Variants in COL18A1 observed in about 807,000 individuals in gnomAD.
COL18A1 encodes the protein collagen type XVIII alpha 1 chain.
In COL18A1, 133 loss-of-function variants were observed where a neutral mutation model predicts 168.0. That is an observed-to-expected ratio of 0.79 (90% CI 0.69 to 0.91). The LOEUF is 0.91. COL18A1 is among the 40% of genes least tolerant of loss of function. The pLI is 0.00. For synonymous variants in COL18A1, 949 were observed against 809.0 expected, an observed-to-expected ratio of 1.17 and a Z score of -2.94; for missense variants, 2,126 against 1,925.4, an observed-to-expected ratio of 1.10 and a Z score of -1.95.
chr21:45,460,530 G>A (rs944712562), intron 2 of COL18A1, among the ~76,000 whole-genome samples: 6 of 152,242 alleles, frequency 3.9e-5, no homozygotes, highest in South Asian at 2.1e-4. Context: ...TGATGGCCCC[G>A]AGGGGCTGCT....
chr21:45,481,279 A>G (rs1322049599), intron 13 of COL18A1, among the ~76,000 whole-genome samples: 1 of 152,160 alleles, frequency 6.6e-6, no homozygotes, highest in Non-Finnish European at 1.5e-5. Flanking sequence ...GCTCCCCACC[A>G]GCTCTGCCAC....
In COL18A1 at chr21:45,486,953, G is replaced by A. The variant is rs752692826; in HGVS notation, c.1794G>A (p.Gly598=). The change falls in exon 16 of 42, where the codon GGG becomes GGA. Residue 598 remains glycine, a synonymous_variant. Transcript: ENST00000651438. ...CTGCTGGACCACCAGGCCCCCCTGG[G>A]CCCCCTGGGCCCCCAGGACCAGGAC... ...PGPAGPPGPP[G]PPGPPGPGLP... is the part of the protein sequence containing the mutation. The A allele has an allele frequency of 2.0e-6, 3 of 1,494,852 alleles. No homozygotes were observed. Among genetic ancestry groups the A allele is most frequent in the Non-Finnish European group, 2.7e-6 (3 of 1,125,314 alleles). 92.6% of individuals were successfully genotyped at this position (1,494,852 alleles called of 1,614,324 possible).
At chr21:45,495,622 A>G in intron 29 of COL18A1, 190 bp downstream of exon 29, 1 of 605,040 alleles carries the variant, frequency 1.7e-6, no homozygotes, top group Non-Finnish European at 3.1e-6. Context: ...ACGTGTGCCC[A>G]AACATGCATG....
Position 45,512,670 on chromosome 21 carries a change from T to C in COL18A1, c.*272T>C. On this transcript the variant is annotated 3_prime_UTR_variant, in exon 42 of 42. Coordinates refer to ENST00000651438, the MANE Select transcript of COL18A1 (RefSeq NM_001379500.1). ...CTGGGTCAGGCAGGGTGCAGTATCA[T>C]GCCCTGTGCAACCTCTTGGCCTGAT... is the stretch of plus-strand genomic sequence containing the variant. 1.9e-6 allele frequency: 1 copy of C among 531,754 alleles called. No individual in the cohort carries two copies. Among genetic ancestry groups the C allele is most frequent in the South Asian group, 2.0e-5 (1 of 49,186 alleles). The allele number at this position is 531,754 out of a possible 1,614,324, so 32.9% of individuals were successfully genotyped here.
intron 9 of COL18A1, 145 bp from the exon 10 acceptor site, chr21:45,479,757 C>A: frequency 1.7e-6 from 2 of 1,152,352 alleles, no homozygotes; most frequent in Non-Finnish European, 1.2e-6. Flanking sequence ...CTGGGCCTGG[C>A]GCCCTCGTAC....
intron 2 of COL18A1, among the ~76,000 whole-genome samples, chr21:45,406,240 C>T (rs1469642802): frequency 6.6e-6 from 1 of 152,184 alleles, no homozygotes; most frequent in Non-Finnish European, 1.5e-5. Context: ...CAGGGGAGCC[C>T]CGCCCAAAGG....
At position 45,478,363 on chromosome 21, in the gene COL18A1, C is replaced by T; in HGVS notation, c.1248+10C>T. On this transcript the variant is annotated intron_variant, in intron 9 of 41. Transcript: ENST00000651438. ...TGAAGACGGAAAGCCGGTGAGTCTGCTTTTCTTTCTGACCCCTGTGTTATC... is the reference window on the plus strand; with the variant it reads ...TGAAGACGGAAAGCCGGTGAGTCTGTTTTTCTTTCTGACCCCTGTGTTATC... 1.2e-6 allele frequency: 2 copies of T among 1,614,158 alleles called. No individual in the cohort carries two copies. The highest frequency in any genetic ancestry group is 2.2e-5 in the East Asian group (1 of 44,888).
chr21:45,415,868 C>G (rs2033427825), intron 2 of COL18A1, among the ~76,000 whole-genome samples: 1 of 152,212 alleles, frequency 6.6e-6, no homozygotes, highest in Non-Finnish European at 1.5e-5. Context: ...AAAAGCTGAC[C>G]AGGCACGTGC....
intron 38 of COL18A1, among the ~76,000 whole-genome samples, chr21:45,508,727 T>C (rs1366973038): frequency 6.6e-6 from 1 of 152,128 alleles, no homozygotes; most frequent in African/African-American, 2.4e-5. Context: ...GCTGATTCAT[T>C]CTTTCATTCA....
chr21:45,462,509 C>A (rs1468702835), intron 2 of COL18A1, among the ~76,000 whole-genome samples: 1 of 152,024 alleles, frequency 6.6e-6, no homozygotes, highest in East Asian at 1.9e-4. Context: ...TTAATTTATT[C>A]TTTTGTCTGC....
chr21:45,421,605 C>T, intron 2 of COL18A1: 1 of 533,686 alleles, frequency 1.9e-6, no homozygotes, highest in Non-Finnish European at 3.9e-6. Flanking sequence ...CAGTCCTCTT[C>T]TCTTGCCTGC....
chr21:45,448,591 A>T (rs4819112), intron 2 of COL18A1, among the ~76,000 whole-genome samples: 2 of 152,206 alleles, frequency 1.3e-5, no homozygotes, highest in Non-Finnish European at 2.9e-5. Flanking sequence ...GAGCCGCAGC[A>T]TCTCCACACA....
In COL18A1 at chr21:45,468,463, G is replaced by T; in HGVS notation, c.328G>T (p.Ala110Ser). 6.2e-7 allele frequency: 1 copy of T among 1,614,060 alleles called. No individual in the cohort carries two copies. The highest frequency in any genetic ancestry group is 8.5e-7 in the Non-Finnish European group (1 of 1,180,030). Reference sequence around the variant, plus strand: ...CACAGAGGGCCCAGGGGTGCTGTTCGCCATCACGGACTCGGCGCAGGCCAT... The same window carrying T: ...CACAGAGGGCCCAGGGGTGCTGTTCTCCATCACGGACTCGGCGCAGGCCAT... ...PATEGPGVLF[A>S]ITDSAQAMVL... is the part of the protein sequence containing the mutation. The change falls in exon 3 of 42, where the codon GCC (alanine) becomes TCC (serine). Residue 110 changes from alanine (A) to serine (S), a missense_variant. Physicochemically the swap from Ala to Ser is moderately conservative, Grantham distance 99. Transcript: ENST00000651438.
intron 2 of COL18A1, among the ~76,000 whole-genome samples, chr21:45,441,555 C>T (rs1327286067): frequency 6.6e-6 from 1 of 152,186 alleles, no homozygotes; most frequent in Admixed American, 6.5e-5. Flanking sequence ...TGCCCGGTGG[C>T]TCTGGCCATG....
chr21:45,479,956 G>A lies in COL18A1; in HGVS notation c.1303G>A (p.Gly435Ser). 1.2e-6 allele frequency: 2 copies of A among 1,613,870 alleles called. No individual in the cohort carries two copies. Among genetic ancestry groups the A allele is most frequent in the Non-Finnish European group, 1.7e-6 (2 of 1,179,942 alleles). ...GACTCCAGGGGACGTAGGTCCCAAGGGCGACAAGGTGAGTCTCCGTGGCTG... is the reference window on the plus strand; with the variant it reads ...GACTCCAGGGGACGTAGGTCCCAAGAGCGACAAGGTGAGTCTCCGTGGCTG... ...PGTPGDVGPK[G>S]DKGDPGVGER... Residue 435 changes from glycine (G) to serine (S), a missense_variant, in exon 10 of 42, where the codon GGC (glycine) becomes AGC (serine). Coordinates refer to ENST00000651438, the MANE Select transcript of COL18A1 (RefSeq NM_001379500.1).
chr21:45,486,850 A>G lies in COL18A1; in HGVS notation c.1702-11A>G. ...GGCTGGGTCCTGACACGCTCTCCTC[A>G]CCCCACGCAGGGGAGCAAGGGAGCC... On this transcript the variant is annotated splice_polypyrimidine_tract_variant and intron_variant, in intron 15 of 41. Transcript: ENST00000651438. 1 of 1,525,638 alleles carries G rather than the reference A, an allele frequency of 6.6e-7. No individual in the cohort carries two copies. The highest frequency in any genetic ancestry group is 8.8e-7 in the Non-Finnish European group (1 of 1,139,696). 94.5% of individuals were successfully genotyped at this position (1,525,638 alleles called of 1,614,324 possible).
In COL18A1 at chr21:45,473,167, G is replaced by A. The variant is rs376443722; in HGVS notation, c.652-728G>A. Among the ~76,000 whole-genome samples, 7 of 152,212 alleles carry A rather than the reference G, an allele frequency of 4.6e-5. No homozygotes were observed. The highest frequency in any genetic ancestry group is 3.2e-3 in the Middle Eastern group (1 of 316). On this transcript the variant is annotated intron_variant, in intron 3 of 41. Coordinates refer to ENST00000651438, the MANE Select transcript of COL18A1 (RefSeq NM_001379500.1). This position sits in a 1 kb window ranked among gnomAD's most constrained non-coding sequence, Gnocchi z 4.0. Reference sequence around the variant, plus strand: ...AAGCTACCCGCTTGAGGCTTAGGACGTTGCGCCCTCCTGTGTCCTTGCCCA... The same window carrying A: ...AAGCTACCCGCTTGAGGCTTAGGACATTGCGCCCTCCTGTGTCCTTGCCCA...
chr21:45,444,169 A>G (rs1174037471), intron 2 of COL18A1, among the ~76,000 whole-genome samples: 1 of 152,078 alleles, frequency 6.6e-6, no homozygotes, highest in Non-Finnish European at 1.5e-5. Context: ...CATTCGCTCC[A>G]TGGTACCTCC....
intron 2 of COL18A1, among the ~76,000 whole-genome samples, chr21:45,411,604 C>T (rs562341183): frequency 2.6e-5 from 4 of 151,852 alleles, no homozygotes; most frequent in East Asian, 1.9e-4. Flanking sequence ...CAGGGAACAG[C>T]GTGCCCTTAT....
Sources: allele counts gnomAD v4.1 joint callset (sites outside exome capture counted in the v4.1 genomes callset), GRCh38; gene constraint gnomAD v4.1.1; non-coding constraint Gnocchi (gnomAD v3.1); transcripts MANE v1.5; gene names NCBI Gene and HGNC (gene_info 2026-07-23, HGNC 2026-07-21).